DUSP3: variants seen among roughly 807,000 people sequenced by gnomAD.
DUSP3 encodes the protein dual specificity phosphatase 3, also known as dual specificity protein phosphatase 3.
In DUSP3, 7 loss-of-function variants were observed where a neutral mutation model predicts 15.5. That is an observed-to-expected ratio of 0.45 (90% CI 0.26 to 0.85). The LOEUF is 0.85. Ranked by LOEUF, DUSP3 falls within the 40% of genes least tolerant of loss-of-function variation. The pLI, the probability that DUSP3 is intolerant of heterozygous loss-of-function variation, is 0.18. For synonymous variants in DUSP3, 86 were observed against 104.2 expected (o/e 0.83, Z 1.07); for missense variants, 209 against 251.7 (o/e 0.83, Z 1.15).
chr17:43,778,649 C>T, intron 1 of DUSP3, 151 bp downstream of exon 1: 1 of 1,117,522 alleles, frequency 8.9e-7, no homozygotes, highest in Non-Finnish European at 1.2e-6. Context: ...GCGTCGACTC[C>T]AGGCCCCTCC....
chr17:43,778,658 C>T (rs1974423060), intron 1 of DUSP3, 142 bp downstream of exon 1: 23 of 1,199,094 alleles, frequency 1.9e-5, no homozygotes, highest in Non-Finnish European at 2.3e-5. Flanking sequence ...CCAGGCCCCT[C>T]CCAAGCCCCC....
intron 2 of DUSP3, among the ~76,000 whole-genome samples, chr17:43,770,938 T>A (rs969924121): frequency 3.3e-5 from 5 of 151,560 alleles, no homozygotes; most frequent in African/African-American, 1.2e-4. Flanking sequence ...TTTTTGTATC[T>A]TTTAGTAGAG....
intron 2 of DUSP3, among the ~76,000 whole-genome samples, chr17:43,770,062 C>T (rs937321582): frequency 7.9e-5 from 12 of 152,142 alleles, no homozygotes; most frequent in African/African-American, 2.9e-4. Context: ...AGCTGTGCGG[C>T]ACGGCGGTAT....
chr17:43,772,879 C>G (rs191392824), intron 2 of DUSP3, among the ~76,000 whole-genome samples: 128 of 152,214 alleles, frequency 8.4e-4, no homozygotes, highest in African/African-American at 2.6e-3. Flanking sequence ...CCCAGCACAC[C>G]TGGACTGAGA....
chr17:43,777,698 T>C (rs1345449249), intron 1 of DUSP3: 6 of 374,000 alleles, frequency 1.6e-5, no homozygotes, highest in Non-Finnish European at 3.2e-5. Flanking sequence ...ATCGTGAAAA[T>C]CCAACTTGAG....
chr17:43,769,317 G>A lies in DUSP3; in HGVS notation c.*292C>T. On this transcript the variant is annotated 3_prime_UTR_variant, in exon 3 of 3. Coordinates refer to ENST00000226004, the MANE Select transcript of DUSP3 (RefSeq NM_004090.4). Reference sequence around the variant, plus strand: ...ACACACCTCCTGCCGTGGGCCATCGGGAAGCATGCAGGCCACAGGCCTTCC... The same window carrying A: ...ACACACCTCCTGCCGTGGGCCATCGAGAAGCATGCAGGCCACAGGCCTTCC... 2.5e-6 allele frequency: 1 copy of A among 401,022 alleles called. No homozygotes were observed. The highest frequency in any genetic ancestry group is 4.5e-6 in the Non-Finnish European group (1 of 221,244). 24.8% of individuals were successfully genotyped at this position (401,022 alleles called of 1,614,324 possible).
At chr17:43,776,872 G>A (rs969166088) in intron 1 of DUSP3, among the ~76,000 whole-genome samples, 9 of 152,178 alleles carry the variant, frequency 5.9e-5, no homozygotes, top group African/African-American at 2.2e-4. Context: ...CTGACACTGT[G>A]GGACTCTGTT....
chr17:43,776,858 T>C (rs925333781), intron 1 of DUSP3, among the ~76,000 whole-genome samples: 4 of 152,202 alleles, frequency 2.6e-5, no homozygotes, highest in East Asian at 1.9e-4. Context: ...CCTGAAGCCT[T>C]TGGCTGACAC....
chr17:43,770,937 C>A (rs1380108186), intron 2 of DUSP3, among the ~76,000 whole-genome samples: 1 of 150,382 alleles, frequency 6.6e-6, no homozygotes, highest in East Asian at 2.0e-4. Flanking sequence ...TTTTTTGTAT[C>A]TTTTAGTAGA....
At position 43,769,809 on chromosome 17, in the gene DUSP3, C is replaced by G. The variant is rs975539371; in HGVS notation, c.358G>C (p.Val120Leu). ...TAACCTTCCCGGCAGTGGACGAGCA[C>G]CCGGCCTGTAAGAAACAGGGGAGAC... ...DQALAQKNGR[V>L]LVHCREGYSR... Residue 120 changes from valine to leucine, a missense_variant, in exon 3 of 3, where the codon GTG (valine) becomes CTG (leucine). Coordinates refer to ENST00000226004, the MANE Select transcript of DUSP3 (RefSeq NM_004090.4). 2.5e-6 allele frequency: 4 copies of G among 1,613,956 alleles called. No individual in the cohort carries two copies. The African/African-American group carries it at 5.3e-5, about 22-fold the overall frequency.
At chr17:43,773,719 T>C (rs1224737558) in intron 2 of DUSP3, among the ~76,000 whole-genome samples, 4 of 152,128 alleles carry the variant, frequency 2.6e-5, no homozygotes, top group African/African-American at 7.2e-5. Flanking sequence ...TCCCAGCTAC[T>C]CAGGAGGCTG....
Position 43,769,598 on chromosome 17 carries a change from G to T in DUSP3, c.*11C>A, listed in dbSNP as rs531669994. 6.2e-6 allele frequency: 10 copies of T among 1,610,434 alleles called. No individual in the cohort carries two copies. The African/African-American group carries it at 1.2e-4, about 19-fold the overall frequency. ...CCCACGGACCTCTCGAGCAGAGGTG[G>T]TGGGGGTGCCCTAGGGTTTCAACTT... On this transcript the variant is annotated 3_prime_UTR_variant, in exon 3 of 3. Coordinates refer to ENST00000226004, the MANE Select transcript of DUSP3 (RefSeq NM_004090.4).
In DUSP3 at chr17:43,768,751, A is replaced by G. The variant is rs1211677478; in HGVS notation, c.*858T>C. On this transcript the variant is annotated 3_prime_UTR_variant, in exon 3 of 3. Transcript: ENST00000226004. ...CAGGACAAAACCCTTGTAATTCTCC[A>G]AATGGTGGGGTTTTTAAATAGGTTG... is the stretch of plus-strand genomic sequence containing the variant. The G allele has an allele frequency of 6.6e-6, 1 of 152,010 alleles. No individual in the cohort carries two copies. The highest frequency in any genetic ancestry group is 2.4e-5 in the African/African-American group (1 of 41,338). 9.4% of individuals were successfully genotyped at this position (152,010 alleles called of 1,614,324 possible). A position where few individuals can be genotyped will look rare whatever the true frequency, so the allele number is the denominator to read the frequency against.
At chr17:43,776,638 G>A (rs1279614281) in intron 1 of DUSP3, among the ~76,000 whole-genome samples, 1 of 152,266 alleles carries the variant, frequency 6.6e-6, no homozygotes, top group Non-Finnish European at 1.5e-5. Flanking sequence ...GTCAAGGTCA[G>A]AGGTGCTTAG....
Position 43,768,810 on chromosome 17 carries a change from A to T in DUSP3, c.*799T>A, listed in dbSNP as rs1426558975. 1 of 152,180 alleles carries T rather than the reference A, an allele frequency of 6.6e-6. No individual in the cohort carries two copies. The highest frequency in any genetic ancestry group is 1.5e-5 in the Non-Finnish European group (1 of 68,020). The allele number at this position is 152,180 out of a possible 1,614,324, so 9.4% of individuals were successfully genotyped here. A position where few individuals can be genotyped will look rare whatever the true frequency, so the allele number is the denominator to read the frequency against. On this transcript the variant is annotated 3_prime_UTR_variant, in exon 3 of 3. Coordinates refer to ENST00000226004, the MANE Select transcript of DUSP3 (RefSeq NM_004090.4). ...CTCCCTGTTTTCTAAAAAAGAAAAA[A>T]AAAAAAGCATGCCCAAGGCATCACT...
chr17:43,771,248 T>C (rs901461877), intron 2 of DUSP3, among the ~76,000 whole-genome samples: 4 of 152,022 alleles, frequency 2.6e-5, no homozygotes, highest in Non-Finnish European at 5.9e-5. Context: ...ATTTATTAGA[T>C]TATATCATCT....
In DUSP3 at chr17:43,767,440, A is replaced by C. The variant is rs1974255385; in HGVS notation, c.*2169T>G. 6.6e-6 allele frequency: 1 copy of C among 152,620 alleles called. No homozygotes were observed. The highest frequency in any genetic ancestry group is 2.1e-4 in the South Asian group (1 of 4,826). The allele number at this position is 152,620 out of a possible 1,614,324, so 9.5% of individuals were successfully genotyped here. ...TAAGTGCAGTACACCTGGAGATCCC[A>C]GGGAGCCCCCTTCTTGAGAAAGAGT... On this transcript the variant is annotated 3_prime_UTR_variant, in exon 3 of 3. Coordinates refer to ENST00000226004, the MANE Select transcript of DUSP3 (RefSeq NM_004090.4).
intron 1 of DUSP3, among the ~76,000 whole-genome samples, chr17:43,775,625 T>C (rs539893689): frequency 6.6e-6 from 1 of 152,298 alleles, no homozygotes; most frequent in African/African-American, 2.4e-5. Flanking sequence ...TAGTACCTGC[T>C]ACATAGTAGG....
intron 1 of DUSP3, 21 bp from the exon 2 acceptor site, chr17:43,774,959 G>A (rs1598301969): frequency 1.2e-6 from 2 of 1,613,270 alleles, no homozygotes; most frequent in Non-Finnish European, 8.5e-7. Flanking sequence ...GACAGTGGTG[G>A]GGATGATTAA....
Sources: allele counts gnomAD v4.1 joint callset (sites outside exome capture counted in the v4.1 genomes callset), GRCh38; gene constraint gnomAD v4.1.1; transcripts MANE v1.5; gene names NCBI Gene and HGNC (gene_info 2026-07-23, HGNC 2026-07-21).